PCNX4: variants seen among roughly 807,000 people sequenced by gnomAD.
The protein encoded by PCNX4 is pecanex 4.
In PCNX4, 103 loss-of-function variants were observed where a neutral mutation model predicts 107.2. That is an observed-to-expected ratio of 0.96 (90% CI 0.82 to 1.13). PCNX4 has a LOEUF of 1.13. Ranked by LOEUF, PCNX4 falls within the 50% of genes most tolerant of loss-of-function variation. The pLI is 0.00. For synonymous variants in PCNX4, 541 were observed against 481.7 expected, an observed-to-expected ratio of 1.12 and a Z score of -1.61; for missense variants, 1,528 against 1,379.4, an observed-to-expected ratio of 1.11 and a Z score of -1.71.
chr14:60,123,925 T>C (rs1895999935), intron 8 of PCNX4, among the ~76,000 whole-genome samples: 1 of 152,144 alleles, frequency 6.6e-6, no homozygotes, highest in African/African-American at 2.4e-5. Flanking sequence ...CACTCTTAAC[T>C]ATCATTATAG....
rs557577986 is a variant in PCNX4, at chr14:60,141,695, T to A, written c.*7474T>A. 2 of 152,376 alleles carry A rather than the reference T, an allele frequency of 1.3e-5. No individual in the cohort carries two copies. The highest frequency in any genetic ancestry group is 4.1e-4 in the South Asian group (2 of 4,832). The allele number at this position is 152,376 out of a possible 1,614,324, so 9.4% of individuals were successfully genotyped here. A position where few individuals can be genotyped will look rare whatever the true frequency, so the allele number is the denominator to read the frequency against. ...TTTGAGGTTCTTCCATGTTGTTTTA[T>A]GTATCAATCATTCATTATTTTTTAT... On this transcript the variant is annotated 3_prime_UTR_variant, in exon 11 of 11. Transcript: ENST00000406854.
At position 60,145,116 on chromosome 14, in the gene PCNX4, A is replaced by C. The variant is rs575449507; in HGVS notation, c.*10895A>C. 1.8e-4 allele frequency: 141 copies of C among 763,540 alleles called. 1 individual carries two copies. Among genetic ancestry groups the C allele is most frequent in the Middle Eastern group, 7.7e-4 (2 of 2,586 alleles). The allele number at this position is 763,540 out of a possible 1,614,324, so 47.3% of individuals were successfully genotyped here. A position where few individuals can be genotyped will look rare whatever the true frequency, so the allele number is the denominator to read the frequency against. On this transcript the variant is annotated 3_prime_UTR_variant, in exon 11 of 11. Coordinates refer to ENST00000406854, the MANE Select transcript of PCNX4 (RefSeq NM_001330177.2). The surrounding 1 kb of genome is among the most constrained non-coding windows in gnomAD (Gnocchi z 4.0). ...TTGAGGAGCTGTATCATTATGATTC[A>C]CTATTAAGAATCTTTACAAAAGTTC... is the stretch of plus-strand genomic sequence containing the variant.
At chr14:60,098,807 G>A (rs756934551) in intron 1 of PCNX4, among the ~76,000 whole-genome samples, 2 of 151,938 alleles carry the variant, frequency 1.3e-5, no homozygotes, top group Non-Finnish European at 2.9e-5. Flanking sequence ...GCGTGGTGGT[G>A]CATGCCTGTA....
chr14:60,120,368 A>G (rs1895931894), intron 7 of PCNX4, among the ~76,000 whole-genome samples: 1 of 152,178 alleles, frequency 6.6e-6, no homozygotes, highest in Non-Finnish European at 1.5e-5. Flanking sequence ...TCCCAAAAGG[A>G]GAGCAGATGT....
Position 60,118,454 on chromosome 14 carries a change from CA to C in PCNX4, c.1706del (p.Asn569ThrfsTer12). On this transcript the variant is annotated frameshift_variant, in exon 7 of 11. Transcript: ENST00000406854. LOFTEE classifies it high-confidence loss of function. ...AAACAACTGCCACTTTATGTATACT[CA>C]ACATTGTCTTTTCTCCATTCGTGTT... ...RKTTATLCIL[N>X]IVFSPFVLVI... The C allele has an allele frequency of 6.2e-7, 1 of 1,613,662 alleles. No individual in the cohort carries two copies. Among genetic ancestry groups the C allele is most frequent in the Non-Finnish European group, 8.5e-7 (1 of 1,179,772 alleles).
Position 60,124,441 on chromosome 14 carries a change from A to G in PCNX4, c.2270A>G (p.Lys757Arg). The change falls in exon 9 of 11, where the codon AAA becomes AGA. Residue 757 changes from lysine (K) to arginine (R), a missense_variant. Physicochemically the swap from Lys to Arg is conservative, Grantham distance 26. Coordinates refer to ENST00000406854, the MANE Select transcript of PCNX4 (RefSeq NM_001330177.2). ...IDSHENLKEF[K>R]GDLIKVLVWI... ...TCTCATGAAAACTTAAAAGAATTTA[A>G]AGGTGACCTCATTAAAGTACTTGTG... The G allele has an allele frequency of 6.2e-7, 1 of 1,613,706 alleles. No individual in the cohort carries two copies. Among genetic ancestry groups the G allele is most frequent in the Non-Finnish European group, 8.5e-7 (1 of 1,179,718 alleles).
intron 1 of PCNX4, among the ~76,000 whole-genome samples, chr14:60,097,876 C>T (rs1455898491): frequency 6.6e-6 from 1 of 152,202 alleles, no homozygotes; most frequent in Admixed American, 6.5e-5. Context: ...TTTCTGCAGT[C>T]AATCCAAGAC....
intron 1 of PCNX4, among the ~76,000 whole-genome samples, chr14:60,097,364 G>A (rs558635601): frequency 7.2e-5 from 11 of 152,222 alleles, no homozygotes; most frequent in East Asian, 3.9e-4. Flanking sequence ...CCAAAGGAAC[G>A]TCCTAAATAT....
intron 7 of PCNX4, among the ~76,000 whole-genome samples, chr14:60,120,853 T>G (rs898622052): frequency 6.6e-6 from 1 of 152,200 alleles, no homozygotes; most frequent in Non-Finnish European, 1.5e-5. Flanking sequence ...ATATTTTAAG[T>G]CATGACTGTC....
At chr14:60,126,786 G>A (rs368947002) in intron 10 of PCNX4, among the ~76,000 whole-genome samples, 16 of 152,288 alleles carry the variant, frequency 1.1e-4, no homozygotes, top group African/African-American at 3.8e-4. Context: ...CCGCACTTAC[G>A]GGATGGAGAC....
chr14:60,147,506 A>G lies in PCNX4; in HGVS notation c.*13285A>G, dbSNP rs1010687166. 5 of 152,184 alleles carry G rather than the reference A, an allele frequency of 3.3e-5. No individual in the cohort carries two copies. Among genetic ancestry groups the G allele is most frequent in the African/African-American group, 9.7e-5 (4 of 41,446 alleles). 9.4% of individuals were successfully genotyped at this position (152,184 alleles called of 1,614,324 possible). A position where few individuals can be genotyped will look rare whatever the true frequency, so the allele number is the denominator to read the frequency against. On this transcript the variant is annotated 3_prime_UTR_variant, in exon 11 of 11. Coordinates refer to ENST00000406854, the MANE Select transcript of PCNX4 (RefSeq NM_001330177.2). ...TATACCTTAAATATATATAATTTTTATGTGTCAATTATAAAGAAAATCTTT... is the reference window on the plus strand; with the variant it reads ...TATACCTTAAATATATATAATTTTTGTGTGTCAATTATAAAGAAAATCTTT...
chr14:60,129,665 G>T (rs1896119566), intron 10 of PCNX4, among the ~76,000 whole-genome samples: 1 of 152,130 alleles, frequency 6.6e-6, no homozygotes, highest in Non-Finnish European at 1.5e-5. Flanking sequence ...ATGTACTGTT[G>T]GATTTGTAAC....
At chr14:60,123,519 C>T (rs1168165653) in intron 8 of PCNX4, among the ~76,000 whole-genome samples, 1 of 126,012 alleles carries the variant, frequency 7.9e-6, no homozygotes, top group Non-Finnish European at 1.6e-5. Flanking sequence ...TTTAAATAAG[C>T]AGTAGCAATT....
At position 60,124,902 on chromosome 14, in the gene PCNX4, T is replaced by G. The variant is rs550664237; in HGVS notation, c.2731T>G (p.Cys911Gly). 5 of 1,613,850 alleles carry G rather than the reference T, an allele frequency of 3.1e-6. No individual in the cohort carries two copies. In the East Asian group the frequency reaches 1.1e-4, roughly 36 times the overall value. ...EFSCSHSHLV[C>G]LPAEWRTSCM... is the part of the protein sequence containing the mutation. ...CAGTTGTTCACATTCTCACTTAGTATGCTTACCCGCAGAGTGGAGGACTAG... is the reference window on the plus strand; with the variant it reads ...CAGTTGTTCACATTCTCACTTAGTAGGCTTACCCGCAGAGTGGAGGACTAG... Residue 911 changes from cysteine to glycine, a missense_variant, in exon 9 of 11, where the codon TGC becomes GGC. Physicochemically the swap from Cys to Gly is radical, Grantham distance 159 (BLOSUM62 -3). Transcript: ENST00000406854.
intron 8 of PCNX4, among the ~76,000 whole-genome samples, chr14:60,123,973 A>G (rs1323291175): frequency 6.6e-6 from 1 of 152,072 alleles, no homozygotes; most frequent in Non-Finnish European, 1.5e-5. Flanking sequence ...AAATTTGCTC[A>G]ATTTCTAGTA....
In PCNX4 at chr14:60,108,266, A is replaced by G; in HGVS notation, c.628A>G (p.Ile210Val). The G allele has an allele frequency of 6.2e-7, 1 of 1,612,684 alleles. No homozygotes were observed. Among genetic ancestry groups the G allele is most frequent in the Admixed American group, 1.7e-5 (1 of 60,004 alleles). ...ATFQTQDTYE[I>V]IPLMRPLYIF... The stretch of plus-strand genomic sequence containing the variant: ...TTTCCAAACACAGGATACTTATGAA[A>G]TTATTCCTCTTATGAGACCTCTTTA... Residue 210 changes from isoleucine to valine, a missense_variant, in exon 2 of 11, where the codon ATT becomes GTT. Coordinates refer to ENST00000406854, the MANE Select transcript of PCNX4 (RefSeq NM_001330177.2).
chr14:60,093,430 A>T (rs1203925281), intron 1 of PCNX4, among the ~76,000 whole-genome samples: 1 of 152,158 alleles, frequency 6.6e-6, no homozygotes, highest in African/African-American at 2.4e-5. Context: ...CTTATTTTGG[A>T]CATTTCACAT....
chr14:60,108,263 G>A lies in PCNX4; in HGVS notation c.625G>A (p.Glu209Lys), dbSNP rs754773185. ...GACTTTCCAAACACAGGATACTTAT[G>A]AAATTATTCCTCTTATGAGACCTCT... ...TATFQTQDTY[E>K]IIPLMRPLYI... is the part of the protein sequence containing the mutation. Residue 209 changes from glutamate (E) to lysine (K), a missense_variant, in exon 2 of 11, where the codon GAA becomes AAA. Coordinates refer to ENST00000406854, the MANE Select transcript of PCNX4 (RefSeq NM_001330177.2). The A allele has an allele frequency of 5.0e-6, 8 of 1,612,620 alleles. No homozygotes were observed. Among genetic ancestry groups the A allele is most frequent in the Non-Finnish European group, 6.8e-6 (8 of 1,179,768 alleles).
chr14:60,106,352 A>G (rs1041882834), intron 1 of PCNX4, among the ~76,000 whole-genome samples: 2 of 152,196 alleles, frequency 1.3e-5, no homozygotes, highest in African/African-American at 2.4e-5. Flanking sequence ...TGTAAATGCT[A>G]TATAAATAGC....
Sources: gnomAD v4.1 joint callset for allele counts (sites outside exome capture counted in the v4.1 genomes callset) on GRCh38, gnomAD v4.1.1 for gene constraint, Gnocchi (gnomAD v3.1) non-coding constraint, MANE v1.5 for transcripts, NCBI Gene and HGNC (gene_info 2026-07-23, HGNC 2026-07-21) for gene names.